The following CKAP5 variants were observed in gnomAD, a reference collection of about 807,000 sequenced individuals.
The protein encoded by CKAP5 is cytoskeleton-associated protein 5.
CKAP5 carries 27 observed loss-of-function variants against 232.8 expected under a neutral mutation model. That is an observed-to-expected ratio of 0.12 (90% CI 0.09 to 0.16). The LOEUF (loss-of-function observed/expected upper bound fraction) is 0.16. Ranked by LOEUF, CKAP5 falls within the 10% of genes least tolerant of loss-of-function variation. The pLI is 1.00. For missense variants in CKAP5, 1,838 were observed against 2,424.7 expected (o/e 0.76, Z 5.08); for synonymous variants, 785 against 841.1 (o/e 0.93, Z 1.16).
intron 1 of CKAP5, among the ~76,000 whole-genome samples, chr11:46,830,786 G>A (rs368150112): frequency 1.0e-3 from 154 of 152,304 alleles, no homozygotes; most frequent in East Asian, 9.1e-3. Context: ...ACCATGGGCC[G>A]GGGTGGTGGC....
intron 4 of CKAP5, 88 bp downstream of exon 4, chr11:46,816,110 G>A (rs1939393515): frequency 9.4e-7 from 1 of 1,060,336 alleles, no homozygotes; most frequent in Non-Finnish European, 1.4e-6. Flanking sequence ...TTCTTCCATG[G>A]AAAAATTGTC....
chr11:46,778,349 CA>C, intron 21 of CKAP5, 36 bp from the exon 22 acceptor site: 2 of 1,601,316 alleles, frequency 1.2e-6, no homozygotes, highest in Non-Finnish European at 8.5e-7. Context: ...TTCCAGACTC[CA>C]AAAAAATGAT....
At chr11:46,753,270 A>G in intron 37 of CKAP5, 40 bp downstream of exon 37, 3 of 1,500,680 alleles carry the variant, frequency 2.0e-6, no homozygotes, top group Non-Finnish European at 2.7e-6. Context: ...AACAAAAGCG[A>G]GGATGCCCCA....
chr11:46,746,671 TG>T (rs1303153888), intron 42 of CKAP5, among the ~76,000 whole-genome samples: 4 of 152,234 alleles, frequency 2.6e-5, no homozygotes. Context: ...GAATGGAGCT[TG>T]CAGGACTGGA....
chr11:46,780,518 A>G (rs1197501859), intron 18 of CKAP5, 33 bp from the exon 19 acceptor site: 3 of 1,573,576 alleles, frequency 1.9e-6, no homozygotes, highest in South Asian at 2.2e-5. Context: ...AAAGCAAACA[A>G]ATGAAACCCT....
intron 43 of CKAP5, 66 bp downstream of exon 43, chr11:46,744,360 G>C: frequency 6.2e-7 from 1 of 1,612,612 alleles, no homozygotes; most frequent in Non-Finnish European, 8.5e-7. Flanking sequence ...TTCTCTGTGG[G>C]CCAGCCTGCC....
rs1468035989 is a variant in CKAP5 at position 46,776,338 on chromosome 11, C to T, written c.2908G>A (p.Glu970Lys). Residue 970 changes from glutamate to lysine, a missense_variant, in exon 24 of 44, where the codon GAA becomes AAA. Glu to Lys is a moderately conservative substitution (Grantham distance 56, BLOSUM62 1). Transcript: ENST00000529230. ...AGCCATTCCTTCATGCCAGTCTGTT[C>T]TGCCCAAGCATTCACAGTCGCTAGG... ...AALATVNAWA[E>K]QTGMKEWLEG... The T allele has an allele frequency of 1.9e-6, 3 of 1,613,882 alleles. No homozygotes were observed. Among genetic ancestry groups the T allele is most frequent in the Non-Finnish European group, 2.5e-6 (3 of 1,179,850 alleles).
At chr11:46,748,444 G>A (rs1225881798) in intron 42 of CKAP5, among the ~76,000 whole-genome samples, 2 of 152,134 alleles carry the variant, frequency 1.3e-5, no homozygotes, top group South Asian at 2.1e-4. Flanking sequence ...GAACAAACTC[G>A]AAGGATAAAG....
In CKAP5 at chr11:46,751,243, G is replaced by C; in HGVS notation, c.5335C>G (p.Leu1779Val). Residue 1779 changes from leucine to valine, a missense_variant, in exon 40 of 44, where the codon CTA (leucine) becomes GTA (valine). Around this residue, in one of 6 missense-constraint regions of CKAP5, gnomAD observed 579 missense variants for 843.2 expected, o/e 0.69. Transcript: ENST00000529230. The stretch of plus-strand genomic sequence containing the variant: ...TCGTTTTTGTTGTCGATCATCGTTA[G>C]GTGGTCCAGGATCTGAGGGAGACAC... ...KLKGPKILDH[L>V]TMIDNKNESE... The C allele has an allele frequency of 6.2e-7, 1 of 1,614,166 alleles. No individual in the cohort carries two copies. Among genetic ancestry groups the C allele is most frequent in the Non-Finnish European group, 8.5e-7 (1 of 1,180,040 alleles).
At chr11:46,817,584 A>G (rs1474086278) in intron 3 of CKAP5, among the ~76,000 whole-genome samples, 1 of 152,200 alleles carries the variant, frequency 6.6e-6, no homozygotes, top group Non-Finnish European at 1.5e-5. Context: ...CAGTTAACCA[A>G]ATTGTCAAAT....
intron 32 of CKAP5, 108 bp from the exon 33 acceptor site, chr11:46,760,892 AC>A: frequency 1.0e-6 from 1 of 983,750 alleles, no homozygotes. Flanking sequence ...CTTTCAAAGC[AC>A]CACATTTCAA....
intron 2 of CKAP5, among the ~76,000 whole-genome samples, chr11:46,819,341 G>T (rs1033290449): frequency 2.0e-5 from 3 of 152,146 alleles, no homozygotes; most frequent in African/African-American, 7.2e-5. Flanking sequence ...TAAAGAAAGA[G>T]AAGGGGAGTA....
chr11:46,761,196 C>A (rs538256368), intron 32 of CKAP5, among the ~76,000 whole-genome samples: 1 of 149,596 alleles, frequency 6.7e-6, no homozygotes, highest in South Asian at 2.1e-4. Context: ...CTGCGGTGAA[C>A]CATGATCACA....
intron 8 of CKAP5, among the ~76,000 whole-genome samples, chr11:46,803,357 C>T (rs112192943): frequency 3.0e-4 from 45 of 152,070 alleles, no homozygotes; most frequent in Admixed American, 2.4e-3. Context: ...CAACCTCCCC[C>T]TCCCAGGTTC....
intron 1 of CKAP5, among the ~76,000 whole-genome samples, chr11:46,825,058 T>C (rs115249100): frequency 0.02 from 3,004 of 152,296 alleles, 101 homozygotes; most frequent in African/African-American, 0.069. Context: ...GATCTAAAAA[T>C]GTCTTCCTAA....
At position 46,749,907 on chromosome 11, in the gene CKAP5, ACAAGAGTGAAACTCCATCT is replaced by A. The variant is rs2065050527; in HGVS notation, c.5704+348_5704+366del. Among the ~76,000 whole-genome samples the A allele has an allele frequency of 2.6e-5, 4 of 151,696 alleles. No homozygotes were observed. In the South Asian group the frequency reaches 8.4e-4, roughly 32 times the overall value. On this transcript the variant is annotated intron_variant, in intron 42 of 43. Coordinates refer to ENST00000529230, the MANE Select transcript of CKAP5 (RefSeq NM_001008938.4). ...GCACCACTGCACTCCAGCCCGAGCA[ACAAGAGTGAAACTCCATCT>A]CAAAAAAAAAAAAAAAAAGAGGTCA...
At chr11:46,752,576 A>G in intron 38 of CKAP5, 59 bp downstream of exon 38, 1 of 1,345,472 alleles carries the variant, frequency 7.4e-7, no homozygotes, top group Admixed American at 1.7e-5. Context: ...CTTTCCCCAT[A>G]CTTTTAACAA....
chr11:46,754,054 A>G (rs2134576542), intron 36 of CKAP5, among the ~76,000 whole-genome samples: 1 of 151,832 alleles, frequency 6.6e-6, no homozygotes, highest in South Asian at 2.1e-4. Context: ...ACTGGAGTGC[A>G]GTGGCACGAT....
chr11:46,769,533 A>G lies in CKAP5; in HGVS notation c.3322+430T>C, dbSNP rs114864767. 1.5e-3 allele frequency among the ~76,000 whole-genome samples: 229 copies of G among 152,140 alleles called. 1 individual carries two copies. The highest frequency in any genetic ancestry group is 5.3e-3 in the African/African-American group (220 of 41,498). ...CATCACAACAAAACCTCATCTCTAT[A>G]AAAAGTAAAAAATTTAGCCAGGTGT... On this transcript the variant is annotated intron_variant, in intron 26 of 43. Coordinates refer to ENST00000529230, the MANE Select transcript of CKAP5 (RefSeq NM_001008938.4).
Sources: gnomAD v4.1 joint callset for allele counts (sites outside exome capture counted in the v4.1 genomes callset) on GRCh38, gnomAD v4.1.1 for gene constraint, gnomAD v4.1.1 regional missense constraint, MANE v1.5 for transcripts, NCBI Gene and HGNC (gene_info 2026-07-23, HGNC 2026-07-21) for gene names.